The following TTC39C variants were observed in gnomAD, a reference collection of about 807,000 sequenced individuals.
The protein encoded by TTC39C is tetratricopeptide repeat domain 39C.
A neutral mutation model predicts 76.3 loss-of-function variants in TTC39C; 33 were observed. The ratio of observed to expected loss-of-function variants is 0.43; its 90% CI spans 0.33 to 0.58. TTC39C has a LOEUF of 0.58. TTC39C is among the 20% of genes least tolerant of loss of function. The pLI, the probability that TTC39C is intolerant of heterozygous loss-of-function variation, is 0.04. For missense variants in TTC39C, 595 were observed against 701.4 expected (o/e 0.85, Z 1.71); for synonymous variants, 254 against 260.6 (o/e 0.97, Z 0.24).
chr18:24,125,685 T>C (rs1484278767), intron 10 of TTC39C, 135 bp downstream of exon 10: 5 of 1,135,796 alleles, frequency 4.4e-6, no homozygotes, highest in Non-Finnish European at 5.0e-6. Context: ...TCTCCTTAGA[T>C]AGAGGGTGTC....
intron 1 of TTC39C, among the ~76,000 whole-genome samples, chr18:24,032,463 T>A (rs2083682464): frequency 6.6e-6 from 1 of 151,320 alleles, no homozygotes; most frequent in Admixed American, 6.6e-5. Flanking sequence ...GGATTTCAGA[T>A]TTTTTCAGAT....
Position 24,080,655 on chromosome 18 carries a change from T to C in TTC39C, c.531T>C (p.Asn177=). 1 of 1,614,182 alleles carries C rather than the reference T, an allele frequency of 6.2e-7. No homozygotes were observed. Among genetic ancestry groups the C allele is most frequent in the Non-Finnish European group, 8.5e-7 (1 of 1,180,024 alleles). The change falls in exon 5 of 14, where the codon AAT becomes AAC. Residue 177 remains asparagine (N), a synonymous_variant. Coordinates refer to ENST00000317571, the MANE Select transcript of TTC39C (RefSeq NM_001135993.2). ...KIYNKCYLDI[N]ALQELYQKKL... ...ACAATAAATGCTATCTGGACATCAATGCCCTTCAGGAGCTGTATCAGAAGA... is the reference window on the plus strand; with the variant it reads ...ACAATAAATGCTATCTGGACATCAACGCCCTTCAGGAGCTGTATCAGAAGA...
At chr18:24,093,497 A>C (rs2084552688) in intron 6 of TTC39C, among the ~76,000 whole-genome samples, 1 of 147,710 alleles carries the variant, frequency 6.8e-6, no homozygotes, top group South Asian at 2.2e-4. Context: ...AAAAAAAAGT[A>C]TTGAGAGTGT....
Position 24,017,903 on chromosome 18 carries a change from A to G in TTC39C, c.167+2865A>G, listed in dbSNP as rs368253020. ...TGTAACAATATTTTTTATTAAAGCA[A>G]GAAGGTCATTTTCTCATGCCACCTT... On this transcript the variant is annotated intron_variant, in intron 1 of 13. Coordinates refer to ENST00000317571, the MANE Select transcript of TTC39C (RefSeq NM_001135993.2). Among the ~76,000 whole-genome samples, 104 of 152,338 alleles carry G rather than the reference A, an allele frequency of 6.8e-4. 2 individuals carry two copies. In the South Asian group the frequency reaches 0.021, roughly 30 times the overall value.
chr18:24,130,113 A>G (rs1159918449), intron 11 of TTC39C, among the ~76,000 whole-genome samples, 200 bp from the exon 12 acceptor site: 1 of 152,208 alleles, frequency 6.6e-6, no homozygotes, highest in African/African-American at 2.4e-5. Flanking sequence ...AGTCCAATAT[A>G]TTCTGAGGAA....
intron 1 of TTC39C, among the ~76,000 whole-genome samples, chr18:24,024,014 A>ATTTTTTTTTTTTTTT (rs1359475527): frequency 3.2e-4 from 2 of 6,226 alleles, no homozygotes; most frequent in African/African-American, 1.0e-3. Context: ...ATATATATAT[A>ATTTTTTTTTTTTTTT]TATTTTTTTT....
chr18:24,100,047 G>A (rs949998016), intron 6 of TTC39C, among the ~76,000 whole-genome samples: 8 of 152,056 alleles, frequency 5.3e-5, no homozygotes, highest in Middle Eastern at 3.4e-3. Flanking sequence ...AATTTCCATC[G>A]TTTCTAGTTT....
intron 1 of TTC39C, among the ~76,000 whole-genome samples, chr18:24,041,202 C>T (rs2083788401): frequency 6.6e-6 from 1 of 152,220 alleles, no homozygotes; most frequent in South Asian, 2.1e-4. Context: ...AGTGAGCCCA[C>T]CTACTTTCTG....
At chr18:24,022,291 TTTGTGGGCTGGC>T (rs2083526674) in intron 1 of TTC39C, among the ~76,000 whole-genome samples, 1 of 152,146 alleles carries the variant, frequency 6.6e-6, no homozygotes, top group African/African-American at 2.4e-5. Context: ...CATCTTTTGC[TTTGTGGGCTGGC>T]ATTGAGCCAG....
At chr18:24,119,971 C>A (rs879550588) in intron 8 of TTC39C, among the ~76,000 whole-genome samples, 8 of 151,104 alleles carry the variant, frequency 5.3e-5, no homozygotes, top group South Asian at 2.1e-4. Context: ...ATTCCCCCCC[C>A]CCAATATTTG....
intron 7 of TTC39C, among the ~76,000 whole-genome samples, chr18:24,116,824 T>G (rs973785734): frequency 2.1e-5 from 3 of 145,274 alleles, no homozygotes; most frequent in African/African-American, 7.7e-5. Context: ...CCTTAGTTTT[T>G]TTTTTTTTTT....
At chr18:24,129,924 T>C (rs1459168149) in intron 11 of TTC39C, among the ~76,000 whole-genome samples, 3 of 152,208 alleles carry the variant, frequency 2.0e-5, no homozygotes, top group African/African-American at 7.2e-5. Flanking sequence ...GATCAAATGC[T>C]TATGTGCTAG....
At chr18:24,052,715 G>A (rs544165857) in intron 1 of TTC39C, among the ~76,000 whole-genome samples, 1 of 152,260 alleles carries the variant, frequency 6.6e-6, no homozygotes, top group South Asian at 2.1e-4. Flanking sequence ...ATTTGGCTTG[G>A]AAGGAGTTGA....
At chr18:24,046,087 C>T (rs931194386) in intron 1 of TTC39C, among the ~76,000 whole-genome samples, 32 of 150,904 alleles carry the variant, frequency 2.1e-4, no homozygotes, top group Admixed American at 1.3e-3. Flanking sequence ...TACAGGCGCC[C>T]GCCACCACAC....
At chr18:24,114,411 C>T in intron 6 of TTC39C, 143 bp from the exon 7 acceptor site, 1 of 609,998 alleles carries the variant, frequency 1.6e-6, no homozygotes, top group Non-Finnish European at 2.8e-6. Flanking sequence ...GGAGTATTTT[C>T]CTAGCAATCT....
intron 6 of TTC39C, among the ~76,000 whole-genome samples, chr18:24,092,179 G>A (rs138490958): frequency 3.7e-4 from 56 of 149,610 alleles, no homozygotes; most frequent in African/African-American, 1.3e-3. Context: ...AAGATAGGCA[G>A]TATCATAAAT....
intron 4 of TTC39C, among the ~76,000 whole-genome samples, chr18:24,077,519 T>C (rs2084322010): frequency 6.6e-6 from 1 of 152,248 alleles, no homozygotes; most frequent in Non-Finnish European, 1.5e-5. Flanking sequence ...GTATGTTAAG[T>C]TGCATGCTTA....
chr18:24,056,286 A>G (rs2084015426), intron 1 of TTC39C, among the ~76,000 whole-genome samples: 1 of 152,208 alleles, frequency 6.6e-6, no homozygotes, highest in South Asian at 2.1e-4. Context: ...GATTAGATTC[A>G]GGTGGCCCCG....
intron 1 of TTC39C, chr18:24,019,851 CT>C (rs1220411483): frequency 3.9e-6 from 6 of 1,525,458 alleles, no homozygotes; most frequent in Non-Finnish European, 5.2e-6. Flanking sequence ...ACTCTCTGGC[CT>C]TTTACAGAAA....
Sources: gnomAD v4.1 joint callset for allele counts (sites outside exome capture counted in the v4.1 genomes callset) on GRCh38, gnomAD v4.1.1 for gene constraint, MANE v1.5 for transcripts, NCBI Gene and HGNC (gene_info 2026-07-23, HGNC 2026-07-21) for gene names.